The following UBE2Q2 variants were observed in gnomAD, a reference collection of about 807,000 sequenced individuals.
The protein encoded by UBE2Q2 is ubiquitin-conjugating enzyme E2 Q2.
UBE2Q2 carries 54 observed loss-of-function variants against 59.9 expected under a neutral mutation model. The observed-to-expected ratio is 0.90, with a 90% CI of 0.72 to 1.13. The LOEUF (loss-of-function observed/expected upper bound fraction) is 1.13. Ranked by LOEUF, UBE2Q2 falls within the 50% of genes most tolerant of loss-of-function variation. The pLI, the probability that UBE2Q2 is intolerant of heterozygous loss-of-function variation, is 0.00. For missense variants in UBE2Q2, 433 were observed against 441.9 expected (o/e 0.98, Z 0.18); for synonymous variants, 165 against 155.2 (o/e 1.06, Z -0.47).
chr15:75,888,993 T>A (rs1327621191), intron 9 of UBE2Q2, among the ~76,000 whole-genome samples: 1 of 152,250 alleles, frequency 6.6e-6, no homozygotes, highest in Non-Finnish European at 1.5e-5. Context: ...TTGAAGATTG[T>A]GTTTGATGTT....
intron 6 of UBE2Q2, among the ~76,000 whole-genome samples, chr15:75,876,676 A>T (rs1396700616): frequency 6.6e-6 from 1 of 152,176 alleles, no homozygotes. Context: ...ATCAGCTTTT[A>T]TTGTAAAGAT....
intron 11 of UBE2Q2, among the ~76,000 whole-genome samples, chr15:75,895,589 G>A (rs1385113188): frequency 6.6e-6 from 1 of 151,946 alleles, no homozygotes. Flanking sequence ...ATAGGAAAAG[G>A]GGGTATAAAA....
At chr15:75,862,214 G>C (rs1407116162) in intron 3 of UBE2Q2, among the ~76,000 whole-genome samples, 1 of 152,098 alleles carries the variant, frequency 6.6e-6, no homozygotes, top group African/African-American at 2.4e-5. Context: ...GTGATGACAG[G>C]AGGTGTGGTT....
chr15:75,895,183 C>T (rs1328241903), intron 11 of UBE2Q2: 4 of 150,914 alleles, frequency 2.7e-5, no homozygotes, highest in Admixed American at 2.6e-4. Flanking sequence ...GAGACTCCGT[C>T]TCAAAAAAAA....
At chr15:75,875,123 A>C (rs75889317) in intron 5 of UBE2Q2, among the ~76,000 whole-genome samples, 1,796 of 152,352 alleles carry the variant, frequency 0.012, 29 homozygotes, top group African/African-American at 0.041. Context: ...AGTCAAAACA[A>C]CTATAAGTTA....
chr15:75,875,283 C>A (rs1253627972), intron 5 of UBE2Q2, among the ~76,000 whole-genome samples: 3 of 66,996 alleles, frequency 4.5e-5, no homozygotes, highest in Non-Finnish European at 9.6e-5. Flanking sequence ...ATGAAATGAG[C>A]TAGGAAACTT....
intron 2 of UBE2Q2, among the ~76,000 whole-genome samples, chr15:75,855,482 C>T (rs974395868): frequency 5.4e-5 from 8 of 147,008 alleles, no homozygotes; most frequent in African/African-American, 2.0e-4. Flanking sequence ...CAGAGTGATA[C>T]TCCATCTCAA....
chr15:75,872,941 C>T (rs1595880038), intron 4 of UBE2Q2, among the ~76,000 whole-genome samples: 1 of 151,978 alleles, frequency 6.6e-6, no homozygotes, highest in South Asian at 2.1e-4. Context: ...TTTCAGTGGC[C>T]TCTTAATATT....
At chr15:75,891,481 C>T (rs1270014138) in intron 11 of UBE2Q2, among the ~76,000 whole-genome samples, 2 of 124,708 alleles carry the variant, frequency 1.6e-5, no homozygotes, top group African/African-American at 2.6e-5. Flanking sequence ...CCTATGCTTA[C>T]CAAGTTTTTT....
intron 4 of UBE2Q2, among the ~76,000 whole-genome samples, chr15:75,870,090 G>A (rs913338036): frequency 6.6e-6 from 1 of 152,050 alleles, no homozygotes; most frequent in African/African-American, 2.4e-5. Flanking sequence ...GTTTTTTTGA[G>A]ACAGGGTCTC....
At chr15:75,870,235 TA>T (rs967579655) in intron 4 of UBE2Q2, among the ~76,000 whole-genome samples, 6 of 152,198 alleles carry the variant, frequency 3.9e-5, no homozygotes, top group Admixed American at 1.3e-4. Context: ...CCAAGCTTTT[TA>T]AAAAAATTTT....
At chr15:75,890,646 T>C (rs893959122) in intron 10 of UBE2Q2, among the ~76,000 whole-genome samples, 163 bp downstream of exon 10, 1 of 152,218 alleles carries the variant, frequency 6.6e-6, no homozygotes, top group Non-Finnish European at 1.5e-5. Context: ...ACCAATAAAA[T>C]GACATTGTAC....
intron 3 of UBE2Q2, among the ~76,000 whole-genome samples, chr15:75,862,002 G>A (rs553181530): frequency 1.3e-5 from 2 of 152,076 alleles, no homozygotes; most frequent in Non-Finnish European, 2.9e-5. Flanking sequence ...TCATCCTCTC[G>A]GGCCTCTTCA....
intron 11 of UBE2Q2, among the ~76,000 whole-genome samples, chr15:75,892,552 T>C (rs1343602260): frequency 6.6e-6 from 1 of 151,626 alleles, no homozygotes; most frequent in African/African-American, 2.4e-5. Flanking sequence ...ATGGATGAAA[T>C]AGAACTTACA....
chr15:75,866,163 T>G (rs893029870), intron 3 of UBE2Q2, among the ~76,000 whole-genome samples: 2 of 152,176 alleles, frequency 1.3e-5, no homozygotes, highest in African/African-American at 4.8e-5. Flanking sequence ...TGTGGGGGTT[T>G]TACTTTTCAG....
Position 75,899,419 on chromosome 15 carries a change from TA to T in UBE2Q2, c.1097-7del. On this transcript the variant is annotated splice_polypyrimidine_tract_variant and splice_region_variant and intron_variant, in intron 12 of 12. Coordinates refer to ENST00000267938, the MANE Select transcript of UBE2Q2 (RefSeq NM_173469.4). ...TATTTTAACTTTTTTTTTTTCATTC[TA>T]TTTCAGGCTGGTACACCCCTCCAAA... 1 of 1,570,940 alleles carries T rather than the reference TA, an allele frequency of 6.4e-7. No homozygotes were observed. Among genetic ancestry groups the T allele is most frequent in the Non-Finnish European group, 8.6e-7 (1 of 1,161,492 alleles).
At chr15:75,872,943 C>A (rs1276548656) in intron 4 of UBE2Q2, among the ~76,000 whole-genome samples, 1 of 152,132 alleles carries the variant, frequency 6.6e-6, no homozygotes, top group Admixed American at 6.5e-5. Context: ...TCAGTGGCCT[C>A]TTAATATTTT....
chr15:75,890,262 C>T (rs1899019656), intron 9 of UBE2Q2, among the ~76,000 whole-genome samples, 173 bp from the exon 10 acceptor site: 1 of 152,186 alleles, frequency 6.6e-6, no homozygotes, highest in African/African-American at 2.4e-5. Flanking sequence ...AGCATGATAA[C>T]ATTAGAATTT....
intron 5 of UBE2Q2, 68 bp from the exon 6 acceptor site, chr15:75,876,119 A>T: frequency 6.9e-6 from 9 of 1,297,306 alleles, no homozygotes; most frequent in Non-Finnish European, 9.8e-6. Context: ...GTAATCTTTT[A>T]GATCAGGTTG....
Sources: allele counts gnomAD v4.1 joint callset (sites outside exome capture counted in the v4.1 genomes callset), GRCh38; gene constraint gnomAD v4.1.1; transcripts MANE v1.5; gene names NCBI Gene and HGNC (gene_info 2026-07-23, HGNC 2026-07-21).